The following ZNF711 variants were observed in gnomAD, a reference collection of about 807,000 sequenced individuals.
ZNF711 encodes ZFX family zinc finger ZNF711, also known as zinc finger protein 711.
In ZNF711, 3 loss-of-function variants were observed where a neutral mutation model predicts 43.5. The ratio of observed to expected loss-of-function variants is 0.07; its 90% CI spans 0.03 to 0.18. ZNF711 has a LOEUF of 0.18. Among genes scored for constraint, ZNF711 ranks in the 10% least tolerant of loss-of-function variants. The pLI is 1.00. For missense variants in ZNF711, 412 were observed against 604.0 expected, an observed-to-expected ratio of 0.68 and a Z score of 3.33; for synonymous variants, 209 against 207.7, an observed-to-expected ratio of 1.01 and a Z score of -0.06.
rs1450758086 is a variant in ZNF711 at position 85,247,044 on chromosome X, C to T, written c.-171C>T. 1.4e-5 allele frequency: 4 copies of T among 294,880 alleles called. No individual in the cohort carries two copies. Among genetic ancestry groups the T allele is most frequent in the Non-Finnish European group, 2.4e-5 (4 of 169,620 alleles). The allele number at this position is 294,880 out of a possible 1,213,427, so 24.3% of individuals were successfully genotyped here. On this transcript the variant is annotated 5_prime_UTR_variant, in exon 3 of 11. Coordinates refer to ENST00000674551, the MANE Select transcript of ZNF711 (RefSeq NM_001330574.2). ...GGGGAAACTGGGATAGAACATTTTA[C>T]ATTATAAGTAGAACCCTGGGAGCCA...
Position 85,270,762 on chromosome X carries a change from A to T in ZNF711, c.1358A>T (p.Asp453Val). 8.3e-7 allele frequency: 1 copy of T among 1,204,379 alleles called. No individual in the cohort carries two copies. The highest frequency in any genetic ancestry group is 1.1e-6 in the Non-Finnish European group (1 of 891,025). ...FLKRHMKNHPDHLMRKKYQCT... is the reference protein window; with the variant it reads ...FLKRHMKNHPVHLMRKKYQCT... ...AAAAGACACATGAAGAATCATCCTG[A>T]TCATTTAATGAGAAAAAAATATCAG... is the stretch of plus-strand genomic sequence containing the variant. The change falls in exon 11 of 11, where the codon GAT becomes GTT. Residue 453 changes from aspartate to valine, a missense_variant. Physicochemically the swap from Asp to Val is radical, Grantham distance 152 (BLOSUM62 -3). Coordinates refer to ENST00000674551, the MANE Select transcript of ZNF711 (RefSeq NM_001330574.2).
At chrX:85,256,223 TTTAAA>T (rs200055487) in intron 5 of ZNF711, among the ~76,000 whole-genome samples, 14,444 of 111,128 alleles carry the variant, frequency 0.13, 725 homozygotes, top group South Asian at 0.17. Context: ...TGTATTGATT[TTTAAA>T]TTAAATACTT....
At chrX:85,248,301 C>G (rs1489463223) in intron 4 of ZNF711, among the ~76,000 whole-genome samples, 18 of 107,987 alleles carry the variant, frequency 1.7e-4, no homozygotes, top group African/African-American at 6.1e-4. Context: ...AACCCCGTCT[C>G]TACTAAAAGT....
At position 85,255,355 on chromosome X, in the gene ZNF711, G is replaced by A. The variant is rs778121667; in HGVS notation, c.176G>A (p.Gly59Glu). ...GTTTCTGATGTTGTCACAGATGATG[G>A]GATAACTCTTGATCATGGCCTTGCA... ...VLVSDVVTDD[G>E]ITLDHGLAAE... The change falls in exon 5 of 11, where the codon GGG becomes GAG. Residue 59 changes from glycine (G) to glutamate (E), a missense_variant. Physicochemically the swap from Gly to Glu is moderately conservative, Grantham distance 98. This residue lies in a region of ZNF711 where 375 missense variants were observed against 514.2 expected (regional missense o/e 0.73). Coordinates refer to ENST00000674551, the MANE Select transcript of ZNF711 (RefSeq NM_001330574.2). The A allele has an allele frequency of 8.3e-7, 1 of 1,209,474 alleles. No homozygotes were observed. The highest frequency in any genetic ancestry group is 1.8e-5 in the South Asian group (1 of 56,760).
chrX:85,270,630 C>T (rs780648094), intron 10 of ZNF711, 21 bp from the exon 11 acceptor site: 7 of 1,176,777 alleles, frequency 5.9e-6, no homozygotes, highest in Non-Finnish European at 8.1e-6. Flanking sequence ...AATGTCACAA[C>T]TTTCTCTTTT....
intron 5 of ZNF711, among the ~76,000 whole-genome samples, chrX:85,260,952 AT>A (rs1930590075): frequency 9.0e-6 from 1 of 111,699 alleles, no homozygotes; most frequent in Non-Finnish European, 1.9e-5. Context: ...TATATGTATC[AT>A]ATTCTGTATT....
At chrX:85,246,707 G>A (rs1433001272) in intron 2 of ZNF711, among the ~76,000 whole-genome samples, 1 of 112,093 alleles carries the variant, frequency 8.9e-6, no homozygotes, top group Non-Finnish European at 1.9e-5. Context: ...TTGAGTGACA[G>A]CATCTGACTT....
Position 85,264,438 on chromosome X carries a change from C to G in ZNF711, c.778+8C>G. ...AAGATGATGTTGAAATAGGTACAAA[C>G]ACTAATTTTAATTTATTGCTCCAAT... is the stretch of plus-strand genomic sequence containing the variant. On this transcript the variant is annotated splice_region_variant and intron_variant, in intron 6 of 10. Transcript: ENST00000674551. The G allele has an allele frequency of 8.4e-7, 1 of 1,190,610 alleles. No individual in the cohort carries two copies. Among genetic ancestry groups the G allele is most frequent in the East Asian group, 3.0e-5 (1 of 33,536 alleles).
At chrX:85,264,236 G>C (rs753813874) in intron 5 of ZNF711, 39 bp from the exon 6 acceptor site, 3 of 1,110,658 alleles carry the variant, frequency 2.7e-6, no homozygotes, top group South Asian at 3.8e-5. Context: ...TTTGTCAATG[G>C]TATTTTTTGA....
At chrX:85,262,413 A>G (rs1212854692) in intron 5 of ZNF711, among the ~76,000 whole-genome samples, 2 of 110,600 alleles carry the variant, frequency 1.8e-5, no homozygotes, top group Non-Finnish European at 3.8e-5. Flanking sequence ...AATTTACCAT[A>G]AGTTATTTCA....
At chrX:85,265,352 C>G in intron 7 of ZNF711, 97 bp downstream of exon 7, 1 of 943,003 alleles carries the variant, frequency 1.1e-6, no homozygotes. Context: ...GAACAAAGTT[C>G]AATAAAATAA....
chrX:85,267,460 T>C, intron 8 of ZNF711, 45 bp downstream of exon 8: 1 of 1,018,789 alleles, frequency 9.8e-7, no homozygotes, highest in African/African-American at 1.9e-5. Context: ...ATAATATGTA[T>C]TTACTCAGCC....
intron 2 of ZNF711, 87 bp from the exon 3 acceptor site, chrX:85,246,843 G>T (rs1307327772): frequency 3.4e-6 from 1 of 291,574 alleles, no homozygotes. Flanking sequence ...TAAAAAGTCA[G>T]TTGTACAATT....
intron 4 of ZNF711, among the ~76,000 whole-genome samples, chrX:85,248,342 G>A (rs1261562498): frequency 9.3e-6 from 1 of 107,909 alleles, no homozygotes; most frequent in Non-Finnish European, 1.9e-5. Flanking sequence ...GGTGGAGCAC[G>A]CCTGTAGTCC....
At chrX:85,251,688 C>T (rs890307183) in intron 4 of ZNF711, among the ~76,000 whole-genome samples, 9 of 110,902 alleles carry the variant, frequency 8.1e-5, no homozygotes, top group African/African-American at 1.6e-4. Flanking sequence ...ATGCTGTTTA[C>T]GAAATGATTT....
chrX:85,264,818 T>A (rs1035327156), intron 6 of ZNF711, among the ~76,000 whole-genome samples: 3 of 110,572 alleles, frequency 2.7e-5, no homozygotes, highest in African/African-American at 9.8e-5. Flanking sequence ...TCCTCATCCA[T>A]AAAATTCTCA....
At chrX:85,244,613 C>T (rs1339862485) in intron 1 of ZNF711, among the ~76,000 whole-genome samples, 1 of 111,069 alleles carries the variant, frequency 9.0e-6, no homozygotes, top group Admixed American at 9.5e-5. Flanking sequence ...CTCGCCCCCG[C>T]CCCCTGACCG....
intron 4 of ZNF711, 89 bp downstream of exon 4, chrX:85,247,740 C>T (rs1176239251): frequency 1.1e-5 from 8 of 732,768 alleles, no homozygotes; most frequent in Non-Finnish European, 1.3e-5. Context: ...GGGAGAATTA[C>T]AATGAAAACT....
intron 5 of ZNF711, among the ~76,000 whole-genome samples, chrX:85,263,064 TAAG>T (rs907488249): frequency 1.3e-4 from 14 of 110,449 alleles, no homozygotes; most frequent in Admixed American, 7.8e-4. Flanking sequence ...ATATATATAA[TAAG>T]GAGGAGTAGA....
Sources: allele counts gnomAD v4.1 joint callset (sites outside exome capture counted in the v4.1 genomes callset), GRCh38; gene constraint gnomAD v4.1.1; regional missense constraint gnomAD v4.1.1; transcripts MANE v1.5; gene names NCBI Gene and HGNC (gene_info 2026-07-23, HGNC 2026-07-21).